Variants in TNNI3 observed in about 807,000 individuals in gnomAD.
The protein encoded by TNNI3 is troponin I3, cardiac type.
TNNI3 carries 23 observed loss-of-function variants against 31.5 expected under a neutral mutation model. That is an observed-to-expected ratio of 0.73 (90% confidence interval 0.52 to 1.03). TNNI3 has a LOEUF of 1.03. TNNI3 is among the 50% of genes least tolerant of loss of function. The pLI, the probability that TNNI3 is intolerant of heterozygous loss-of-function variation, is 0.00. For missense variants in TNNI3, 236 were observed against 282.9 expected (o/e 0.83, Z 1.19); for synonymous variants, 120 against 111.7 (o/e 1.07, Z -0.47).
chr19:55,156,727 C>T lies in TNNI3; in HGVS notation c.109-83G>A. ...GGAGGGGACCTCAAGACACCCCCAGCAAACCCAGCCGGTCCAGATTTGGGC... is the reference window on the plus strand; with the variant it reads ...GGAGGGGACCTCAAGACACCCCCAGTAAACCCAGCCGGTCCAGATTTGGGC... On this transcript the variant is annotated intron_variant, in intron 3 of 7. Coordinates refer to ENST00000344887, the MANE Select transcript of TNNI3 (RefSeq NM_000363.5). This position sits in a 1 kb window ranked among gnomAD's most constrained non-coding sequence, Gnocchi z 4.6. The T allele has an allele frequency of 3.4e-6, 5 of 1,470,702 alleles. No individual in the cohort carries two copies. Among genetic ancestry groups the T allele is most frequent in the Non-Finnish European group, 4.7e-6 (5 of 1,073,678 alleles). 91.1% of individuals were successfully genotyped at this position (1,470,702 alleles called of 1,614,324 possible). A position where few individuals can be genotyped will look rare whatever the true frequency, so the allele number is the denominator to read the frequency against.
chr19:55,154,238 C>A, intron 6 of TNNI3, 32 bp from the exon 7 acceptor site: 1 of 1,603,450 alleles, frequency 6.2e-7, no homozygotes. Context: ...GGTACTTCTC[C>A]TTCCATTTCC....
Position 55,152,530 on chromosome 19 carries a change from C to A in TNNI3, c.550-613G>T, listed in dbSNP as rs1380364349. On this transcript the variant is annotated intron_variant, in intron 7 of 7. Coordinates refer to ENST00000344887, the MANE Select transcript of TNNI3 (RefSeq NM_000363.5). This position sits in a 1 kb window ranked among gnomAD's most constrained non-coding sequence, Gnocchi z 4.0. ...GCACATAGGCACTGTCATTTTACAT[C>A]ACAAGGAAAAGAAGGGTGATTACAG... Among the ~76,000 whole-genome samples, 1 of 152,224 alleles carries A rather than the reference C, an allele frequency of 6.6e-6. No homozygotes were observed. The highest frequency in any genetic ancestry group is 1.5e-5 in the Non-Finnish European group (1 of 68,056).
chr19:55,157,260 G>C lies in TNNI3; in HGVS notation c.24+36C>G. 6.2e-7 allele frequency: 1 copy of C among 1,610,812 alleles called. No individual in the cohort carries two copies. Among genetic ancestry groups the C allele is most frequent in the Non-Finnish European group, 8.5e-7 (1 of 1,179,038 alleles). On this transcript the variant is annotated intron_variant, in intron 2 of 7. Transcript: ENST00000344887. The surrounding 1 kb of genome is among the most constrained non-coding windows in gnomAD (Gnocchi z 6.3). ...TCACTGCAGCGCCCACCCTGGCCCT[G>C]GGGGTCCCAGCCACGCCTTAGCCCG...
intron 6 of TNNI3, 182 bp from the exon 7 acceptor site, chr19:55,154,388 A>C: frequency 1.4e-6 from 1 of 691,600 alleles, no homozygotes; most frequent in Non-Finnish European, 2.5e-6. Context: ...CCCTCCTCAT[A>C]TGCTCCAGCC....
At chr19:55,153,727 A>C (rs1281253058) in intron 7 of TNNI3, among the ~76,000 whole-genome samples, 1 of 127,452 alleles carries the variant, frequency 7.8e-6, no homozygotes, top group Non-Finnish European at 1.7e-5. Context: ...CAGAGACTCC[A>C]TCGCAAAAAA....
rs1248155083 is a variant in TNNI3, at chr19:55,157,049, C to T, written c.108+1G>A. 1 of 1,588,674 alleles carries T rather than the reference C, an allele frequency of 6.3e-7. No individual in the cohort carries two copies. The highest frequency in any genetic ancestry group is 2.3e-5 in the East Asian group (1 of 44,102). ...TCTGCCCCCAGGAAGCCCCGTCCCA[C>T]CTTGGCGTGCGGCTCCGTGGCATAA... On this transcript the variant is annotated splice_donor_variant, in intron 3 of 7. Transcript: ENST00000344887. LOFTEE classifies it high-confidence loss of function. The surrounding 1 kb of genome is among the most constrained non-coding windows in gnomAD (Gnocchi z 6.3).
At chr19:55,157,731 CTG>C (rs1200345223) in exon 1 of TNNI3, 11 of 890,332 alleles carry the variant, frequency 1.2e-5, no homozygotes, top group East Asian at 2.4e-5. This position sits in a 1 kb window ranked among gnomAD's most constrained non-coding sequence, Gnocchi z 6.3. Flanking sequence ...CCCGAGGACA[CTG>C]AGATAAAGGG....
At position 55,156,734 on chromosome 19, in the gene TNNI3, A is replaced by G; in HGVS notation, c.109-90T>C. On this transcript the variant is annotated intron_variant, in intron 3 of 7. Transcript: ENST00000344887. The surrounding 1 kb of genome is among the most constrained non-coding windows in gnomAD (Gnocchi z 4.6). ...ACCTCAAGACACCCCCAGCAAACCC[A>G]GCCGGTCCAGATTTGGGCCCACGTC... is the stretch of plus-strand genomic sequence containing the variant. 1 of 1,440,928 alleles carries G rather than the reference A, an allele frequency of 6.9e-7. No individual in the cohort carries two copies. The highest frequency in any genetic ancestry group is 9.6e-7 in the Non-Finnish European group (1 of 1,047,006). 89.3% of individuals were successfully genotyped at this position (1,440,928 alleles called of 1,614,324 possible).
Position 55,157,647 on chromosome 19 carries a change from G to A in TNNI3, c.-58C>T. 6.2e-7 allele frequency: 1 copy of A among 1,610,892 alleles called. No homozygotes were observed. On this transcript the variant is annotated 5_prime_UTR_variant, in exon 1 of 8. Coordinates refer to ENST00000344887, the MANE Select transcript of TNNI3 (RefSeq NM_000363.5). The surrounding 1 kb of genome is among the most constrained non-coding windows in gnomAD (Gnocchi z 6.3). Reference sequence around the variant, plus strand: ...GGGCGAGGACAGGGGCGTTTGGAGGGTCAGTGAGGGGGCCGCCCGGGTGAC... The same window carrying A: ...GGGCGAGGACAGGGGCGTTTGGAGGATCAGTGAGGGGGCCGCCCGGGTGAC...
rs1197173309 is a variant in TNNI3 at position 55,157,438 on chromosome 19, G to A, written c.12-130C>T. ...CCCCTTCCTTGGGTTCCAGGAGTCT[G>A]ACTCGCAAACCCACTTCCTCTCTTC... On this transcript the variant is annotated intron_variant, in intron 1 of 7. Coordinates refer to ENST00000344887, the MANE Select transcript of TNNI3 (RefSeq NM_000363.5). The surrounding 1 kb of genome is among the most constrained non-coding windows in gnomAD (Gnocchi z 6.3). 11 of 1,579,750 alleles carry A rather than the reference G, an allele frequency of 7.0e-6. No homozygotes were observed. The highest frequency in any genetic ancestry group is 1.7e-4 in the Middle Eastern group (1 of 5,978).
intron 5 of TNNI3, among the ~76,000 whole-genome samples, chr19:55,155,980 C>G (rs1432199229): frequency 6.6e-6 from 1 of 151,966 alleles, no homozygotes; most frequent in African/African-American, 2.4e-5. Flanking sequence ...GCTTGGGCTT[C>G]TGTCTGGGAT....
Position 55,157,334 on chromosome 19 carries a change from G to A in TNNI3, c.12-26C>T, listed in dbSNP as rs1361909831. The A allele has an allele frequency of 1.2e-6, 2 of 1,604,092 alleles. No individual in the cohort carries two copies. The highest frequency in any genetic ancestry group is 1.4e-5 in the African/African-American group (1 of 69,140). Reference sequence around the variant, plus strand: ...CTGGAAGGAGAGAAACCAAGGAGGGGGGTTAGTGGTGGGCTGTGTCCTGTC... The same window carrying A: ...CTGGAAGGAGAGAAACCAAGGAGGGAGGTTAGTGGTGGGCTGTGTCCTGTC... On this transcript the variant is annotated intron_variant, in intron 1 of 7. Transcript: ENST00000344887. This position sits in a 1 kb window ranked among gnomAD's most constrained non-coding sequence, Gnocchi z 6.3.
intron 6 of TNNI3, 54 bp from the exon 7 acceptor site, chr19:55,154,260 C>A: frequency 1.3e-6 from 2 of 1,557,072 alleles, no homozygotes; most frequent in Non-Finnish European, 1.8e-6. Flanking sequence ...GCACACCCAA[C>A]TCCTCCATCC....
Position 55,156,769 on chromosome 19 carries a change from C to T in TNNI3, c.109-125G>A. 8.7e-7 allele frequency: 1 copy of T among 1,146,996 alleles called. No individual in the cohort carries two copies. Among genetic ancestry groups the T allele is most frequent in the Non-Finnish European group, 1.3e-6 (1 of 779,938 alleles). The allele number at this position is 1,146,996 out of a possible 1,614,324, so 71.1% of individuals were successfully genotyped here. ...GATTTGGGCCCACGTCCAACTTGAG[C>T]CCTGAGTCTACGGGAGGCCACGCCC... On this transcript the variant is annotated intron_variant, in intron 3 of 7. Transcript: ENST00000344887. The surrounding 1 kb of genome is among the most constrained non-coding windows in gnomAD (Gnocchi z 4.6).
chr19:55,154,738 C>T lies in TNNI3; in HGVS notation c.372+3G>A, dbSNP rs111841348. ...AGGTACCCGAGCTGCCCATGCGTCC[C>T]ACCTCCGTGATGTTCTTGGTGACTT... On this transcript the variant is annotated splice_donor_region_variant and intron_variant, in intron 6 of 7. Transcript: ENST00000344887. 1 of 1,614,090 alleles carries T rather than the reference C, an allele frequency of 6.2e-7. No homozygotes were observed. Among genetic ancestry groups the T allele is most frequent in the South Asian group, 1.1e-5 (1 of 91,064 alleles).
Position 55,153,536 on chromosome 19 carries a change from A to T in TNNI3, c.549+494T>A, listed in dbSNP as rs147182077. ...TGCCACCACCGTGACTGGCTAATTT[A>T]AAAAAGAAATTTGTAGAAATTAAAA... On this transcript the variant is annotated intron_variant, in intron 7 of 7. Coordinates refer to ENST00000344887, the MANE Select transcript of TNNI3 (RefSeq NM_000363.5). Among the ~76,000 whole-genome samples, 477 of 152,062 alleles carry T rather than the reference A, an allele frequency of 3.1e-3. 3 individuals are homozygous for T. Among genetic ancestry groups the T allele is most frequent in the African/African-American group, 0.011 (448 of 41,486 alleles).
At chr19:55,154,001 C>G (rs766278642) in intron 7 of TNNI3, 29 bp downstream of exon 7, 1 of 1,610,496 alleles carries the variant, frequency 6.2e-7, no homozygotes, top group South Asian at 1.1e-5. Context: ...CCCTCAGCAT[C>G]CTCTTTCCTG....
At position 55,151,923 on chromosome 19, in the gene TNNI3, G is replaced by A; in HGVS notation, c.550-6C>T. ...TCTCCCACCTCCCGGTTTTCCTGGA[G>A]GATGGCGATGAGTCAGAGGTTAGGG... On this transcript the variant is annotated splice_polypyrimidine_tract_variant and splice_region_variant and intron_variant, in intron 7 of 7. Transcript: ENST00000344887. 6.2e-7 allele frequency: 1 copy of A among 1,613,866 alleles called. No individual in the cohort carries two copies. Among genetic ancestry groups the A allele is most frequent in the African/African-American group, 1.3e-5 (1 of 75,038 alleles).
rs759595756 is a variant in TNNI3 at position 55,157,145 on chromosome 19, G to C, written c.25-12C>G. On this transcript the variant is annotated splice_polypyrimidine_tract_variant and intron_variant, in intron 2 of 7. Coordinates refer to ENST00000344887, the MANE Select transcript of TNNI3 (RefSeq NM_000363.5). The surrounding 1 kb of genome is among the most constrained non-coding windows in gnomAD (Gnocchi z 6.3). Reference sequence around the variant, plus strand: ...CGAGGTTCCCTAGCCTGGGTTAGGAGGAGTGGGGACCCCATCACCACCAAG... The same window carrying C: ...CGAGGTTCCCTAGCCTGGGTTAGGACGAGTGGGGACCCCATCACCACCAAG... The C allele has an allele frequency of 6.3e-7, 1 of 1,595,482 alleles. No individual in the cohort carries two copies. Among genetic ancestry groups the C allele is most frequent in the East Asian group, 2.3e-5 (1 of 44,214 alleles).
Sources: gnomAD v4.1 joint callset for allele counts (sites outside exome capture counted in the v4.1 genomes callset) on GRCh38, gnomAD v4.1.1 for gene constraint, Gnocchi (gnomAD v3.1) non-coding constraint, MANE v1.5 for transcripts, NCBI Gene and HGNC (gene_info 2026-07-23, HGNC 2026-07-21) for gene names.